The following DIAPH1 variants were observed in gnomAD, a reference collection of about 807,000 sequenced individuals.
DIAPH1 encodes the protein diaphanous related formin 1, also known as protein diaphanous homolog 1.
Under a neutral mutation model 140.7 loss-of-function variants are expected in DIAPH1, and 46 were observed. The observed-to-expected ratio is 0.33, with a 90% CI of 0.26 to 0.42. DIAPH1 has a LOEUF of 0.42. Ranked by LOEUF, DIAPH1 falls within the 10% of genes least tolerant of loss-of-function variation. DIAPH1 has a pLI of 1.00. For missense variants in DIAPH1, 1,310 were observed against 1,558.7 expected (o/e 0.84, Z 2.69); for synonymous variants, 565 against 551.6 (o/e 1.02, Z -0.34).
chr5:141,527,481 G>A, intron 24 of DIAPH1, 92 bp downstream of exon 24: 1 of 1,391,220 alleles, frequency 7.2e-7, no homozygotes. Context: ...GAAAAAAATT[G>A]CATACTGCCC....
At chr5:141,533,226 A>G (rs2099888511) in intron 19 of DIAPH1, among the ~76,000 whole-genome samples, 1 of 152,248 alleles carries the variant, frequency 6.6e-6, no homozygotes. Context: ...AATAGAGCCT[A>G]TAACATAGCA....
At chr5:141,593,354 T>C (rs1170236149) in intron 1 of DIAPH1, among the ~76,000 whole-genome samples, 2 of 152,046 alleles carry the variant, frequency 1.3e-5, no homozygotes, top group Non-Finnish European at 2.9e-5. Context: ...ACGGAGGGTC[T>C]CTGGATTGGA....
intron 2 of DIAPH1, among the ~76,000 whole-genome samples, chr5:141,587,643 G>A (rs989248142): frequency 6.6e-6 from 1 of 152,138 alleles, no homozygotes; most frequent in African/African-American, 2.4e-5. Flanking sequence ...ATAGATACAA[G>A]CCAAATAGGA....
At position 141,587,179 on chromosome 5, in the gene DIAPH1, T is replaced by C; in HGVS notation, c.163A>G (p.Met55Val). The change falls in exon 3 of 28, where the codon ATG (methionine) becomes GTG (valine). Residue 55 changes from methionine (M) to valine (V), a missense_variant. Met to Val is a conservative substitution (Grantham distance 21). This residue lies in a region of DIAPH1 where 377 missense variants were observed against 497.1 expected (regional missense o/e 0.76). Coordinates refer to ENST00000389054, the MANE Select transcript of DIAPH1 (RefSeq NM_005219.5). Reference protein sequence around the residue: ...MADELERFTSMRIKKEKEKPN... With the variant: ...MADELERFTSVRIKKEKEKPN... ...TTTTCCTTCTCCTTCTTAATTCTCATGCTGGTAAATCTCTCCAGCTGAGAA... is the reference window on the plus strand; with the variant it reads ...TTTTCCTTCTCCTTCTTAATTCTCACGCTGGTAAATCTCTCCAGCTGAGAA... The C allele has an allele frequency of 3.1e-6, 5 of 1,614,092 alleles. No individual in the cohort carries two copies. The highest frequency in any genetic ancestry group is 4.2e-6 in the Non-Finnish European group (5 of 1,180,000).
intron 19 of DIAPH1, among the ~76,000 whole-genome samples, chr5:141,534,033 CAAAA>C (rs35815835): frequency 4.0e-5 from 2 of 49,966 alleles, no homozygotes; most frequent in Non-Finnish European, 7.2e-5. Flanking sequence ...GACTGTGTCT[CAAAA>C]AAAAAAAAAA....
At chr5:141,581,041 T>C (rs1286192680) in intron 7 of DIAPH1, among the ~76,000 whole-genome samples, 158 bp from the exon 8 acceptor site, 2 of 152,246 alleles carry the variant, frequency 1.3e-5, no homozygotes, top group Admixed American at 6.5e-5. Context: ...TCTGGAAATA[T>C]ACTCATTGCA....
chr5:141,572,570 G>A (rs775085494), intron 16 of DIAPH1, among the ~76,000 whole-genome samples: 4 of 152,184 alleles, frequency 2.6e-5, no homozygotes, highest in Non-Finnish European at 5.9e-5. Flanking sequence ...GGGAGGCCAA[G>A]GTGGGCGGAT....
At chr5:141,563,110 A>ATTG (rs2099893849) in intron 18 of DIAPH1, 1 of 152,332 alleles carries the variant, frequency 6.6e-6, no homozygotes, top group African/African-American at 2.4e-5. Flanking sequence ...GTCCAGCACA[A>ATTG]TACTCTGCCC....
chr5:141,583,243 G>C lies in DIAPH1; in HGVS notation c.583C>G (p.Leu195Val), dbSNP rs2099897038. The change falls in exon 6 of 28, where the codon CTT (leucine) becomes GTT (valine). Residue 195 changes from leucine to valine, a missense_variant. Physicochemically the swap from Leu to Val is conservative, Grantham distance 32. Around this residue, in one of 3 missense-constraint regions of DIAPH1, gnomAD observed 377 missense variants for 497.1 expected, o/e 0.76. Transcript: ENST00000389054. The stretch of plus-strand genomic sequence containing the variant: ...TCTTTCTCATCATGAAGTCGTTTAA[G>C]AATGTCCAATAAGGAGGCCAAGCCT... Reference protein sequence around the residue: ...AEGLASLLDILKRLHDEKEET... With the variant: ...AEGLASLLDIVKRLHDEKEET... The C allele has an allele frequency of 6.2e-7, 1 of 1,614,200 alleles. No individual in the cohort carries two copies. Among genetic ancestry groups the C allele is most frequent in the Non-Finnish European group, 8.5e-7 (1 of 1,180,038 alleles).
intron 1 of DIAPH1, among the ~76,000 whole-genome samples, chr5:141,597,940 C>A (rs1208036118): frequency 6.6e-6 from 1 of 152,192 alleles, no homozygotes; most frequent in Non-Finnish European, 1.5e-5. Flanking sequence ...GAGCAGTGTA[C>A]TCCCTCAACC....
chr5:141,548,035 A>T (rs1040865756), intron 18 of DIAPH1, among the ~76,000 whole-genome samples: 5 of 152,124 alleles, frequency 3.3e-5, no homozygotes, highest in Admixed American at 2.6e-4. Flanking sequence ...CCATCTTTAC[A>T]AAACAACTAA....
At position 141,516,687 on chromosome 5, in the gene DIAPH1, G is replaced by A. The variant is rs1238609910; in HGVS notation, c.*164C>T. On this transcript the variant is annotated 3_prime_UTR_variant, in exon 28 of 28. Transcript: ENST00000389054. The stretch of plus-strand genomic sequence containing the variant: ...TCCTTCTGGCCTCCAGGCAGCTGAA[G>A]CTGTATGTGATGTTGAGAGAGCAGC... 3 of 782,578 alleles carry A rather than the reference G, an allele frequency of 3.8e-6. No individual in the cohort carries two copies. Among genetic ancestry groups the A allele is most frequent in the Middle Eastern group, 3.5e-4 (1 of 2,824 alleles). 48.5% of individuals were successfully genotyped at this position (782,578 alleles called of 1,614,324 possible).
chr5:141,578,493 C>T (rs974497125), intron 10 of DIAPH1, 22 bp downstream of exon 10: 8 of 1,594,854 alleles, frequency 5.0e-6, no homozygotes, highest in Non-Finnish European at 6.9e-6. Context: ...TCTAGCCTTT[C>T]TAATGAAGTG....
chr5:141,616,165 T>C (rs1324247389), intron 1 of DIAPH1, among the ~76,000 whole-genome samples: 1 of 152,216 alleles, frequency 6.6e-6, no homozygotes, highest in East Asian at 1.9e-4. Flanking sequence ...TTTTAAAAGA[T>C]GATGCCCAAC....
At chr5:141,559,697 A>C (rs1208951347) in intron 18 of DIAPH1, among the ~76,000 whole-genome samples, 1 of 152,112 alleles carries the variant, frequency 6.6e-6, no homozygotes, top group Non-Finnish European at 1.5e-5. Context: ...TGCTAAAAAG[A>C]GGTCTGCTTC....
intron 19 of DIAPH1, 71 bp from the exon 20 acceptor site, chr5:141,529,768 T>G (rs1451580773): frequency 1.5e-6 from 2 of 1,337,986 alleles, no homozygotes; most frequent in African/African-American, 2.9e-5. Context: ...CCTGCAAACC[T>G]ATGCTGGATA....
At chr5:141,563,796 T>C (rs569563450) in intron 18 of DIAPH1, 33 of 152,316 alleles carry the variant, frequency 2.2e-4, no homozygotes, top group African/African-American at 7.9e-4. Flanking sequence ...TGGGGATAAT[T>C]AGGAGTTAAC....
At chr5:141,582,248 G>T in intron 7 of DIAPH1, 64 bp downstream of exon 7, 1 of 1,216,970 alleles carries the variant, frequency 8.2e-7, no homozygotes, top group Non-Finnish European at 1.2e-6. Flanking sequence ...CTTTTGGTTT[G>T]CCAATAGAAG....
intron 2 of DIAPH1, 184 bp from the exon 3 acceptor site, chr5:141,587,381 C>T: frequency 1.6e-6 from 1 of 638,080 alleles, no homozygotes; most frequent in Non-Finnish European, 2.8e-6. Flanking sequence ...ACCATACTGA[C>T]TCTGTACTCT....
Sources: allele counts gnomAD v4.1 joint callset (sites outside exome capture counted in the v4.1 genomes callset), GRCh38; gene constraint gnomAD v4.1.1; regional missense constraint gnomAD v4.1.1; transcripts MANE v1.5; gene names NCBI Gene and HGNC (gene_info 2026-07-23, HGNC 2026-07-21).